Variants in TMEM209 observed in about 807,000 individuals in gnomAD.
TMEM209 encodes transmembrane protein 209.
Under a neutral mutation model 76.2 loss-of-function variants are expected in TMEM209, and 65 were observed. The observed-to-expected ratio is 0.85, with a 90% CI of 0.70 to 1.05. TMEM209 has a LOEUF of 1.05. Ranked by LOEUF, TMEM209 falls within the 50% of genes least tolerant of loss-of-function variation. The probability of loss-of-function intolerance (pLI) is 0.00; values close to 1 mark genes in which losing one functional copy is unlikely to be tolerated. For missense variants in TMEM209, 623 were observed against 685.5 expected (o/e 0.91, Z 1.02); for synonymous variants, 239 against 237.6 (o/e 1.01, Z -0.06).
intron 5 of TMEM209, among the ~76,000 whole-genome samples, chr7:130,200,416 TAC>T (rs1798148866): frequency 6.6e-6 from 1 of 152,226 alleles, no homozygotes; most frequent in Non-Finnish European, 1.5e-5. Context: ...TGTAAATTGG[TAC>T]AATTCTTTTG....
intron 14 of TMEM209, among the ~76,000 whole-genome samples, chr7:130,167,778 A>C (rs150792172): frequency 9.9e-5 from 15 of 152,284 alleles, no homozygotes; most frequent in African/African-American, 3.4e-4. Context: ...TATTTGGATC[A>C]ATCTGTGGGT....
rs1306517073 is a variant in TMEM209, at chr7:130,178,394, A to G, written c.1246+8T>C. The G allele has an allele frequency of 1.3e-6, 2 of 1,598,306 alleles. No individual in the cohort carries two copies. Among genetic ancestry groups the G allele is most frequent in the Non-Finnish European group, 1.7e-6 (2 of 1,171,752 alleles). On this transcript the variant is annotated splice_region_variant and intron_variant, in intron 10 of 14. Coordinates refer to ENST00000397622, the MANE Select transcript of TMEM209 (RefSeq NM_032842.4). ...CTCTTATTTTTTTCTCTTCAAATCA[A>G]TAATTACCTTTGATCCTTTCAAACA...
At chr7:130,205,300 C>G (rs369087094) in intron 1 of TMEM209, 73 bp downstream of exon 1, 13 of 1,613,428 alleles carry the variant, frequency 8.1e-6, no homozygotes, top group Non-Finnish European at 1.0e-5. Flanking sequence ...CAGGACAGAT[C>G]AGCAGGCGCG....
At chr7:130,191,676 C>A (rs1562894787) in intron 6 of TMEM209, among the ~76,000 whole-genome samples, 1 of 152,062 alleles carries the variant, frequency 6.6e-6, no homozygotes, top group Non-Finnish European at 1.5e-5. Context: ...AAAAGCAACA[C>A]CAATAACACT....
At chr7:130,182,002 G>C (rs777741586) in intron 8 of TMEM209, 2 of 271,070 alleles carry the variant, frequency 7.4e-6, no homozygotes, top group South Asian at 7.9e-5. Context: ...GTGCAATGGC[G>C]CAATCTCAGC....
intron 10 of TMEM209, among the ~76,000 whole-genome samples, chr7:130,177,547 C>T (rs945790238): frequency 6.6e-6 from 1 of 151,694 alleles, no homozygotes; most frequent in Non-Finnish European, 1.5e-5. Flanking sequence ...AGCAGGGGGT[C>T]GCGGGAGGCT....
intron 1 of TMEM209, among the ~76,000 whole-genome samples, chr7:130,204,759 T>C (rs189891475): frequency 4.6e-5 from 7 of 152,366 alleles, no homozygotes; most frequent in Admixed American, 3.9e-4. Flanking sequence ...TTACACGGAC[T>C]AGGCAAAAGG....
At chr7:130,181,037 G>C (rs1797395305) in intron 9 of TMEM209, among the ~76,000 whole-genome samples, 1 of 152,168 alleles carries the variant, frequency 6.6e-6, no homozygotes, top group Non-Finnish European at 1.5e-5. Flanking sequence ...TTATTCATAA[G>C]AGCCAAAAAG....
intron 13 of TMEM209, among the ~76,000 whole-genome samples, chr7:130,172,867 C>T (rs1797116627): frequency 6.6e-6 from 1 of 151,292 alleles, no homozygotes; most frequent in South Asian, 2.1e-4. Flanking sequence ...GGTGTGGTGG[C>T]GGGTGCCTGT....
At chr7:130,199,022 G>T (rs1435883395) in intron 5 of TMEM209, among the ~76,000 whole-genome samples, 1 of 151,936 alleles carries the variant, frequency 6.6e-6, no homozygotes, top group Non-Finnish European at 1.5e-5. Flanking sequence ...TGTTTCTAAA[G>T]GTTTTTGTTT....
Position 130,179,473 on chromosome 7 carries a change from C to T in TMEM209, c.1121-946G>A, listed in dbSNP as rs1038738081. On this transcript the variant is annotated intron_variant, in intron 9 of 14. Coordinates refer to ENST00000397622, the MANE Select transcript of TMEM209 (RefSeq NM_032842.4). The stretch of plus-strand genomic sequence containing the variant: ...GTTGAATTAGAAGTTGCCCATTATG[C>T]CAGGACAAGCAGAAGCTTTTTATGG... Among the ~76,000 whole-genome samples, 11 of 152,060 alleles carry T rather than the reference C, an allele frequency of 7.2e-5. No homozygotes were observed. In the South Asian group the frequency reaches 1.0e-3, roughly 14 times the overall value.
intron 5 of TMEM209, among the ~76,000 whole-genome samples, chr7:130,198,509 G>A (rs62491979): frequency 1.3e-5 from 2 of 151,998 alleles, no homozygotes; most frequent in Non-Finnish European, 2.9e-5. Flanking sequence ...TGCTCAGGAG[G>A]CTAAGGCAGG....
At chr7:130,193,667 T>C (rs549180543) in intron 5 of TMEM209, among the ~76,000 whole-genome samples, 47 of 152,204 alleles carry the variant, frequency 3.1e-4, no homozygotes, top group African/African-American at 1.1e-3. Context: ...CATGACGTTC[T>C]AGAAAAGGCA....
intron 8 of TMEM209, 49 bp from the exon 9 acceptor site, chr7:130,181,768 G>T: frequency 6.9e-7 from 1 of 1,443,824 alleles, no homozygotes; most frequent in Non-Finnish European, 9.5e-7. Flanking sequence ...CCAAGTAGCT[G>T]TCAAATAATT....
intron 6 of TMEM209, among the ~76,000 whole-genome samples, chr7:130,190,237 G>A (rs1797746571): frequency 1.3e-5 from 2 of 152,158 alleles, no homozygotes; most frequent in Admixed American, 6.5e-5. Flanking sequence ...CTAATATTGG[G>A]CCAGGCGCGG....
At chr7:130,175,861 AG>A (rs1360668954) in intron 10 of TMEM209, among the ~76,000 whole-genome samples, 1 of 152,198 alleles carries the variant, frequency 6.6e-6, no homozygotes, top group African/African-American at 2.4e-5. Flanking sequence ...GTTGATGGGT[AG>A]GGAAAATTTG....
intron 10 of TMEM209, among the ~76,000 whole-genome samples, chr7:130,176,389 G>A (rs1797238600): frequency 6.6e-6 from 1 of 151,754 alleles, no homozygotes; most frequent in South Asian, 2.1e-4. Flanking sequence ...CCAAAGTGCT[G>A]GGATTACAGG....
chr7:130,170,646 C>G (rs1181769135), intron 13 of TMEM209, among the ~76,000 whole-genome samples, 173 bp from the exon 14 acceptor site: 2 of 152,066 alleles, frequency 1.3e-5, no homozygotes, highest in African/African-American at 4.8e-5. Context: ...AGTGGGAATA[C>G]TGCAGTGAGT....
chr7:130,182,294 AT>A (rs1562889730), intron 8 of TMEM209, among the ~76,000 whole-genome samples: 1 of 152,144 alleles, frequency 6.6e-6, no homozygotes, highest in African/African-American at 2.4e-5. Flanking sequence ...TGAAAAAAAA[AT>A]ATAAAACTTT....
Sources: gnomAD v4.1 joint callset for allele counts (sites outside exome capture counted in the v4.1 genomes callset) on GRCh38, gnomAD v4.1.1 for gene constraint, MANE v1.5 for transcripts, NCBI Gene and HGNC (gene_info 2026-07-23, HGNC 2026-07-21) for gene names.